Variants in JPH1 observed in about 807,000 individuals in gnomAD.
JPH1 encodes the protein junctophilin 1.
JPH1 carries 12 observed loss-of-function variants against 53.6 expected under a neutral mutation model. The ratio of observed to expected loss-of-function variants is 0.22; its 90% CI spans 0.14 to 0.36. JPH1 has a LOEUF of 0.36. Among genes scored for constraint, JPH1 ranks in the 10% least tolerant of loss-of-function variants. JPH1 has a pLI of 1.00. For synonymous variants in JPH1, 375 were observed against 363.8 expected, an observed-to-expected ratio of 1.03 and a Z score of -0.35; for missense variants, 808 against 905.5, an observed-to-expected ratio of 0.89 and a Z score of 1.38.
rs531091164 is a variant in JPH1, at chr8:74,258,886, G to A, written c.1258+499C>T. 4.6e-5 allele frequency among the ~76,000 whole-genome samples: 7 copies of A among 152,248 alleles called. No individual in the cohort carries two copies. The East Asian group carries it at 7.7e-4, about 17-fold the overall frequency. On this transcript the variant is annotated intron_variant, in intron 3 of 5. Coordinates refer to ENST00000342232, the MANE Select transcript of JPH1 (RefSeq NM_020647.4). ...TCTCCAGGGCTAACACTCAGACCTC[G>A]GGTGATATTTGTTACTACAAGTTGA...
intron 2 of JPH1, among the ~76,000 whole-genome samples, chr8:74,294,067 T>TG (rs1807423013): frequency 6.6e-6 from 1 of 152,098 alleles, no homozygotes; most frequent in South Asian, 2.1e-4. Flanking sequence ...GGTCTGTCCT[T>TG]GGGGGCTGGT....
At chr8:74,248,244 G>A (rs1805921397) in intron 3 of JPH1, among the ~76,000 whole-genome samples, 2 of 152,120 alleles carry the variant, frequency 1.3e-5, no homozygotes, top group African/African-American at 4.8e-5. Context: ...CAAAAATGAT[G>A]AGCTCAAAGA....
At chr8:74,243,594 A>C (rs554200602) in intron 4 of JPH1, among the ~76,000 whole-genome samples, 3 of 152,200 alleles carry the variant, frequency 2.0e-5, no homozygotes, top group Non-Finnish European at 4.4e-5. Flanking sequence ...ATTAATCCAC[A>C]CCATTATGCA....
chr8:74,286,077 A>G (rs1183925947), intron 2 of JPH1, among the ~76,000 whole-genome samples: 1 of 152,198 alleles, frequency 6.6e-6, no homozygotes, highest in Non-Finnish European at 1.5e-5. Flanking sequence ...TATTTAAAAT[A>G]CATCCTGTTA....
intron 2 of JPH1, among the ~76,000 whole-genome samples, chr8:74,303,821 G>A (rs58912900): frequency 1.2e-3 from 184 of 152,242 alleles, no homozygotes; most frequent in Middle Eastern, 3.4e-3. Flanking sequence ...TGCAGCCAGA[G>A]TGATCTTTCT....
At chr8:74,313,156 G>A (rs898851684) in intron 2 of JPH1, among the ~76,000 whole-genome samples, 2 of 152,180 alleles carry the variant, frequency 1.3e-5, no homozygotes, top group African/African-American at 4.8e-5. Flanking sequence ...GCTGACTTTA[G>A]CATGTCACTA....
At chr8:74,297,500 C>T (rs1807554225) in intron 2 of JPH1, among the ~76,000 whole-genome samples, 1 of 152,184 alleles carries the variant, frequency 6.6e-6, no homozygotes, top group Non-Finnish European at 1.5e-5. Flanking sequence ...TCGCGGGACT[C>T]TTAACTCACT....
chr8:74,308,955 T>C (rs1261019709), intron 2 of JPH1, among the ~76,000 whole-genome samples: 1 of 152,232 alleles, frequency 6.6e-6, no homozygotes, highest in Non-Finnish European at 1.5e-5. Context: ...GTATGAGGAA[T>C]GGTTTTTTAA....
chr8:74,312,105 G>T (rs981067335), intron 2 of JPH1, among the ~76,000 whole-genome samples: 1 of 152,246 alleles, frequency 6.6e-6, no homozygotes, highest in South Asian at 2.1e-4. Flanking sequence ...CAAGGAATCT[G>T]GGAAAAGGAC....
At chr8:74,248,150 C>T (rs932778362) in intron 3 of JPH1, among the ~76,000 whole-genome samples, 4 of 152,158 alleles carry the variant, frequency 2.6e-5, no homozygotes, top group Admixed American at 2.0e-4. Flanking sequence ...AAAGGCATGT[C>T]TTACATGATT....
intron 3 of JPH1, among the ~76,000 whole-genome samples, chr8:74,253,091 T>C (rs1380225950): frequency 6.6e-6 from 1 of 152,088 alleles, no homozygotes. Flanking sequence ...GAATATACAT[T>C]CTTTTCAGCA....
intron 2 of JPH1, among the ~76,000 whole-genome samples, chr8:74,288,844 C>CTGT (rs1440374756): frequency 1.3e-5 from 2 of 152,248 alleles, no homozygotes; most frequent in Non-Finnish European, 2.9e-5. Flanking sequence ...ACTTATGTAA[C>CTGT]TGTAACAGTC....
Position 74,315,528 on chromosome 8 carries a change from G to A in JPH1, c.472C>T (p.Pro158Ser), listed in dbSNP as rs1808130664. 1.2e-6 allele frequency: 2 copies of A among 1,606,312 alleles called. No individual in the cohort carries two copies. The highest frequency in any genetic ancestry group is 1.7e-6 in the Non-Finnish European group (2 of 1,177,960). The part of the protein sequence containing the change: ...PYGMATVIRS[P>S]LRTSLASLRS... ...AGCGAGGCCAGCGAGGTACGCAGCG[G>A]TGAGCGGATCACCGTGGCCATGCCG... Residue 158 changes from proline to serine, a missense_variant, in exon 2 of 6, where the codon CCG becomes TCG. By Grantham distance (74) the Pro-to-Ser change is moderately conservative. Around this residue, in one of 2 missense-constraint regions of JPH1, gnomAD observed 756 missense variants for 811.9 expected, o/e 0.93. Transcript: ENST00000342232. The surrounding 1 kb of genome is among the most constrained non-coding windows in gnomAD (Gnocchi z 6.3).
rs927839447 is a variant in JPH1, at chr8:74,259,587, G to T, written c.1140-84C>A. On this transcript the variant is annotated intron_variant, in intron 2 of 5. Transcript: ENST00000342232. ...ACAAGCAAATTGTAATCTGGGAAAA[G>T]AAATGTTAATTATGATTATGGCCCG... 2.3e-5 allele frequency: 23 copies of T among 1,020,076 alleles called. No individual in the cohort carries two copies. The African/African-American group carries it at 2.8e-4, about 13-fold the overall frequency. The allele number at this position is 1,020,076 out of a possible 1,614,324, so 63.2% of individuals were successfully genotyped here.
At chr8:74,255,286 A>C (rs1405058224) in intron 3 of JPH1, among the ~76,000 whole-genome samples, 7 of 152,080 alleles carry the variant, frequency 4.6e-5, no homozygotes, top group East Asian at 3.9e-4. Context: ...CAAAAACAAG[A>C]AATGGGGAAA....
intron 2 of JPH1, among the ~76,000 whole-genome samples, chr8:74,294,519 C>T (rs1807445127): frequency 6.6e-6 from 1 of 152,216 alleles, no homozygotes; most frequent in Non-Finnish European, 1.5e-5. Context: ...TCTCTCTTCT[C>T]ACAAGAATTC....
intron 2 of JPH1, among the ~76,000 whole-genome samples, chr8:74,259,948 G>A (rs1334565110): frequency 6.6e-6 from 1 of 152,240 alleles, no homozygotes; most frequent in Non-Finnish European, 1.5e-5. Flanking sequence ...GCATGCTGGT[G>A]AAGTAGCTCT....
chr8:74,264,798 T>C (rs148481607), intron 2 of JPH1, among the ~76,000 whole-genome samples: 2 of 152,286 alleles, frequency 1.3e-5, no homozygotes, highest in African/African-American at 4.8e-5. Flanking sequence ...TTCACATGCC[T>C]TTTGTAAAAG....
At chr8:74,284,220 CTCTCCTT>C (rs1807096205) in intron 2 of JPH1, among the ~76,000 whole-genome samples, 3 of 152,218 alleles carry the variant, frequency 2.0e-5, no homozygotes, top group South Asian at 2.1e-4. Context: ...AAACTGAACT[CTCTCCTT>C]TATCCTCTCT....
Sources: allele counts gnomAD v4.1 joint callset (sites outside exome capture counted in the v4.1 genomes callset), GRCh38; gene constraint gnomAD v4.1.1; regional missense constraint gnomAD v4.1.1; non-coding constraint Gnocchi (gnomAD v3.1); transcripts MANE v1.5; gene names NCBI Gene and HGNC (gene_info 2026-07-23, HGNC 2026-07-21).